GLIS3: variants seen among roughly 807,000 people sequenced by gnomAD.
GLIS3 encodes zinc finger protein GLIS3.
GLIS3 carries 53 observed loss-of-function variants against 78.6 expected under a neutral mutation model. The observed-to-expected ratio is 0.67, with a 90% CI of 0.54 to 0.85. The LOEUF is 0.85. Ranked by LOEUF, GLIS3 falls within the 40% of genes least tolerant of loss-of-function variation. The pLI is 0.00. For synonymous variants in GLIS3, 684 were observed against 509.9 expected (o/e 1.34, Z -4.60); for missense variants, 1,703 against 1,231.1 (o/e 1.38, Z -5.74).
At chr9:4,105,414 T>C (rs142468994) in intron 4 of GLIS3, among the ~76,000 whole-genome samples, 71 of 152,294 alleles carry the variant, frequency 4.7e-4, no homozygotes, top group African/African-American at 1.6e-3. Flanking sequence ...TGGAACACAA[T>C]GGACTTTATT....
intron 4 of GLIS3, among the ~76,000 whole-genome samples, chr9:4,041,598 A>G (rs1824815812): frequency 6.6e-6 from 1 of 152,044 alleles, no homozygotes; most frequent in East Asian, 1.9e-4. Context: ...TTCGTTTCCT[A>G]ATCAGTATGG....
rs140964198 is a variant in GLIS3 at position 3,994,470 on chromosome 9, C to T, written c.1711-57281G>A. On this transcript the variant is annotated intron_variant, in intron 4 of 10. Coordinates refer to ENST00000381971, the MANE Select transcript of GLIS3 (RefSeq NM_001042413.2). ...AGCGTATGTCTTCTTTAAAGTGAGA[C>T]TGAAAATAAGCTCTGACTCACAAAC... Among the ~76,000 whole-genome samples the T allele has an allele frequency of 2.7e-3, 410 of 152,280 alleles. 3 individuals carry two copies. Among genetic ancestry groups the T allele is most frequent in the African/African-American group, 9.4e-3 (389 of 41,570 alleles).
At chr9:3,962,405 C>T (rs1219413815) in intron 4 of GLIS3, among the ~76,000 whole-genome samples, 1 of 152,044 alleles carries the variant, frequency 6.6e-6, no homozygotes, top group Admixed American at 6.5e-5. Context: ...GCTAGAAATA[C>T]CTGGTGCCCA....
At chr9:4,264,073 C>G (rs1454506528) in intron 2 of GLIS3, among the ~76,000 whole-genome samples, 1 of 152,200 alleles carries the variant, frequency 6.6e-6, no homozygotes, top group Non-Finnish European at 1.5e-5. Flanking sequence ...AACATCCCCA[C>G]TTGAAGAACT....
the GLIS3 span, among the ~76,000 whole-genome samples, chr9:4,442,855 G>A: frequency 6.6e-6 from 1 of 151,644 alleles, no homozygotes; most frequent in African/African-American, 2.4e-5. Flanking sequence ...AAGTTTTGAA[G>A]TTGCCTCTGT....
At chr9:4,288,903 C>T (rs973105898) in intron 1 of GLIS3, among the ~76,000 whole-genome samples, 35 of 152,034 alleles carry the variant, frequency 2.3e-4, no homozygotes, top group Non-Finnish European at 8.8e-5. Flanking sequence ...GAAAATATGG[C>T]GAATATTCCA....
chr9:4,233,391 G>C (rs556750181), intron 2 of GLIS3, among the ~76,000 whole-genome samples: 1 of 152,320 alleles, frequency 6.6e-6, no homozygotes, highest in East Asian at 1.9e-4. Context: ...GGGATGTTGT[G>C]TTACCAATCA....
intron 4 of GLIS3, among the ~76,000 whole-genome samples, chr9:4,117,175 G>C (rs1374640539): frequency 3.3e-5 from 5 of 152,118 alleles, no homozygotes; most frequent in Non-Finnish European, 4.4e-5. Context: ...GATCCTGTGA[G>C]ATTCTGCTCC....
At chr9:4,174,528 G>A (rs991194832) in intron 2 of GLIS3, among the ~76,000 whole-genome samples, 1 of 152,080 alleles carries the variant, frequency 6.6e-6, no homozygotes, top group African/African-American at 2.4e-5. Flanking sequence ...AAGAAAAAGA[G>A]GATTTGGATT....
the GLIS3 span, among the ~76,000 whole-genome samples, chr9:4,366,516 T>C: frequency 6.6e-6 from 1 of 152,232 alleles, no homozygotes; most frequent in Non-Finnish European, 1.5e-5. Context: ...GCCTCTCTGT[T>C]TCTTTCCTGT....
chr9:4,440,423 T>C, the GLIS3 span, among the ~76,000 whole-genome samples: 3 of 152,228 alleles, frequency 2.0e-5, no homozygotes, highest in Admixed American at 2.0e-4. Flanking sequence ...CTCAACACAA[T>C]TTATGGAAAA....
At position 4,056,012 on chromosome 9, in the gene GLIS3, T is replaced by C. The variant is rs189964326; in HGVS notation, c.1710+61756A>G. ...GATGGGGAGAATGGTGAAGGACTGATAGGATGATCATGCGCAATTAATACT... is the reference window on the plus strand; with the variant it reads ...GATGGGGAGAATGGTGAAGGACTGACAGGATGATCATGCGCAATTAATACT... On this transcript the variant is annotated intron_variant, in intron 4 of 10. Coordinates refer to ENST00000381971, the MANE Select transcript of GLIS3 (RefSeq NM_001042413.2). Among the ~76,000 whole-genome samples, 12 of 152,314 alleles carry C rather than the reference T, an allele frequency of 7.9e-5. No homozygotes were observed. In the East Asian group the frequency reaches 1.9e-3, roughly 25 times the overall value.
chr9:4,243,093 C>G (rs1258205377), intron 2 of GLIS3, among the ~76,000 whole-genome samples: 1 of 152,180 alleles, frequency 6.6e-6, no homozygotes, highest in Non-Finnish European at 1.5e-5. Context: ...AGCCTTGGGT[C>G]TTCAAGGCCT....
In GLIS3 at chr9:4,117,873, A is replaced by G. The variant is rs1345684909; in HGVS notation, c.1605T>C (p.Thr535=). 6.2e-7 allele frequency: 1 copy of G among 1,614,072 alleles called. No homozygotes were observed. The highest frequency in any genetic ancestry group is 2.2e-5 in the East Asian group (1 of 44,868). The change falls in exon 4 of 11, where the codon ACT becomes ACC. Residue 535 remains threonine, a synonymous_variant. Transcript: ENST00000381971. ...HIDQRKGEDF[T]CFWAGCPRRY... ...TTCGAGGGCAACCGGCCCAGAAGCAAGTGAAGTCCTCCCCTTTGCGCTGGT... is the reference window on the plus strand; with the variant it reads ...TTCGAGGGCAACCGGCCCAGAAGCAGGTGAAGTCCTCCCCTTTGCGCTGGT...
chr9:4,274,717 C>G (rs1265653371), intron 2 of GLIS3, among the ~76,000 whole-genome samples: 1 of 152,174 alleles, frequency 6.6e-6, no homozygotes, highest in Non-Finnish European at 1.5e-5. Context: ...ACAGGGCACC[C>G]CTTCTGAGTG....
chr9:3,838,191 A>C (rs1198169538), intron 9 of GLIS3, among the ~76,000 whole-genome samples: 1 of 152,230 alleles, frequency 6.6e-6, no homozygotes, highest in Non-Finnish European at 1.5e-5. Context: ...CCATAGCACT[A>C]AGACTAGTAC....
intron 2 of GLIS3, among the ~76,000 whole-genome samples, chr9:4,184,996 A>T (rs2131188552): frequency 6.6e-6 from 1 of 152,334 alleles, no homozygotes; most frequent in East Asian, 1.9e-4. Context: ...CATAAAATTC[A>T]CCTTTGATTA....
At chr9:4,337,006 A>G (rs937255807) in intron 2 of GLIS3, among the ~76,000 whole-genome samples, 5 of 152,218 alleles carry the variant, frequency 3.3e-5, no homozygotes, top group African/African-American at 1.2e-4. Flanking sequence ...TAAAAATCTA[A>G]TATTACTAGT....
At chr9:4,215,400 T>G (rs1820735615) in intron 2 of GLIS3, among the ~76,000 whole-genome samples, 1 of 152,096 alleles carries the variant, frequency 6.6e-6, no homozygotes, top group African/African-American at 2.4e-5. Context: ...AACTTACAGT[T>G]GGAGAGGAAG....
Sources: gnomAD v4.1 joint callset for allele counts (sites outside exome capture counted in the v4.1 genomes callset) on GRCh38, gnomAD v4.1.1 for gene constraint, MANE v1.5 for transcripts, NCBI Gene and HGNC (gene_info 2026-07-23, HGNC 2026-07-21) for gene names.